Variants in HCFC2 observed in about 807,000 individuals in gnomAD.
The protein encoded by HCFC2 is host cell factor C2, also known as host cell factor 2.
A neutral mutation model predicts 89.2 loss-of-function variants in HCFC2; 18 were observed. The observed-to-expected ratio is 0.20, with a 90% CI of 0.14 to 0.30. HCFC2 has a LOEUF of 0.30. Among genes scored for constraint, HCFC2 ranks in the 10% least tolerant of loss-of-function variants. The pLI is 1.00. For synonymous variants in HCFC2, 308 were observed against 335.7 expected (o/e 0.92, Z 0.90); for missense variants, 578 against 956.1 (o/e 0.60, Z 5.21).
At chr12:104,097,704 G>A (rs1884215936) in intron 12 of HCFC2, 5 of 905,596 alleles carry the variant, frequency 5.5e-6, no homozygotes, top group Non-Finnish European at 6.6e-6. Context: ...TAGTTCCAGG[G>A]ATAAGTATAA....
chr12:104,077,685 T>C (rs1251126242), intron 3 of HCFC2, among the ~76,000 whole-genome samples: 1 of 152,076 alleles, frequency 6.6e-6, no homozygotes, highest in Non-Finnish European at 1.5e-5. Flanking sequence ...TTGAGAATTA[T>C]ATGTGCTAAT....
chr12:104,071,360 A>G (rs561024263), intron 3 of HCFC2, among the ~76,000 whole-genome samples: 1 of 152,320 alleles, frequency 6.6e-6, no homozygotes, highest in African/African-American at 2.4e-5. Flanking sequence ...CAAGCTTCTC[A>G]AGGGTATTCT....
At chr12:104,088,547 G>A (rs1883934099) in intron 9 of HCFC2, among the ~76,000 whole-genome samples, 1 of 152,136 alleles carries the variant, frequency 6.6e-6, no homozygotes, top group Non-Finnish European at 1.5e-5. Context: ...ATCACAGTAG[G>A]TCTTGGTAGA....
chr12:104,088,963 T>TA (rs1178131276), intron 9 of HCFC2, among the ~76,000 whole-genome samples: 3 of 152,288 alleles, frequency 2.0e-5, no homozygotes, highest in African/African-American at 7.2e-5. Flanking sequence ...GCAACTACTT[T>TA]AAACTATCGT....
intron 1 of HCFC2, among the ~76,000 whole-genome samples, chr12:104,065,607 A>AT (rs1028857838): frequency 3.9e-5 from 6 of 152,082 alleles, no homozygotes; most frequent in Non-Finnish European, 8.8e-5. Flanking sequence ...GAGAAGTTTT[A>AT]TTTTTTTCAC....
chr12:104,101,916 T>A (rs1382180108), intron 13 of HCFC2, 52 bp from the exon 14 acceptor site: 1 of 1,149,734 alleles, frequency 8.7e-7, no homozygotes, highest in Non-Finnish European at 1.2e-6. Flanking sequence ...TTTTAAAATT[T>A]TAATATATTA....
chr12:104,096,437 A>T lies in HCFC2; in HGVS notation c.1740+4A>T. 5 of 1,601,496 alleles carry T rather than the reference A, an allele frequency of 3.1e-6. No homozygotes were observed. The highest frequency in any genetic ancestry group is 4.3e-6 in the Non-Finnish European group (5 of 1,170,056). On this transcript the variant is annotated splice_donor_region_variant and intron_variant, in intron 12 of 14. Coordinates refer to ENST00000229330, the MANE Select transcript of HCFC2 (RefSeq NM_013320.3). Reference sequence around the variant, plus strand: ...TGCTACAGCAACGCCGTTTTCTGTAAGTACATGACCTGGTGATGATGCATG... The same window carrying T: ...TGCTACAGCAACGCCGTTTTCTGTATGTACATGACCTGGTGATGATGCATG...
At chr12:104,066,593 T>C (rs189315914) in intron 2 of HCFC2, among the ~76,000 whole-genome samples, 5 of 152,346 alleles carry the variant, frequency 3.3e-5, no homozygotes, top group Admixed American at 3.3e-4. Context: ...CATCAAGATA[T>C]CTGTTACGTA....
chr12:104,069,307 A>G (rs1384158023), intron 3 of HCFC2, among the ~76,000 whole-genome samples: 1 of 152,122 alleles, frequency 6.6e-6, no homozygotes, highest in African/African-American at 2.4e-5. Context: ...CCTTATCTTA[A>G]AAAAACAAAC....
At chr12:104,088,122 C>A in intron 9 of HCFC2, 84 bp downstream of exon 9, 1 of 856,082 alleles carries the variant, frequency 1.2e-6, no homozygotes, top group Non-Finnish European at 1.8e-6. Context: ...TACTACTACT[C>A]TAGAAGAGGG....
chr12:104,096,253 C>A, intron 11 of HCFC2, 107 bp from the exon 12 acceptor site: 1 of 668,858 alleles, frequency 1.5e-6, no homozygotes, highest in East Asian at 2.9e-5. Flanking sequence ...CTGTCTTAGC[C>A]ATTTTTAAGT....
intron 4 of HCFC2, 196 bp from the exon 5 acceptor site, chr12:104,080,550 A>G (rs546121133): frequency 9.9e-6 from 4 of 403,326 alleles, no homozygotes; most frequent in African/African-American, 2.1e-5. Context: ...GGCTAACTGT[A>G]CTAACATTAA....
chr12:104,073,843 G>C (rs1024054278), intron 3 of HCFC2, among the ~76,000 whole-genome samples: 1 of 152,132 alleles, frequency 6.6e-6, no homozygotes, highest in African/African-American at 2.4e-5. Flanking sequence ...TATATCCTGT[G>C]GGCCAAATGT....
chr12:104,084,493 A>G (rs1164191270), intron 7 of HCFC2, among the ~76,000 whole-genome samples: 1 of 152,230 alleles, frequency 6.6e-6, no homozygotes, highest in Non-Finnish European at 1.5e-5. Flanking sequence ...GTGTTTGGCA[A>G]CAGATTTGAG....
At chr12:104,098,618 T>C in intron 13 of HCFC2, 138 bp downstream of exon 13, 1 of 798,260 alleles carries the variant, frequency 1.3e-6, no homozygotes, top group South Asian at 1.9e-5. Flanking sequence ...GTCACTTGAA[T>C]GAGTAAAATT....
chr12:104,091,677 A>G (rs1277298823), intron 9 of HCFC2, among the ~76,000 whole-genome samples: 2 of 152,248 alleles, frequency 1.3e-5, no homozygotes, highest in Non-Finnish European at 2.9e-5. Context: ...AGCAAAAAGC[A>G]CATTCCAGAT....
chr12:104,099,301 C>T (rs2629754), intron 13 of HCFC2, among the ~76,000 whole-genome samples: 25,502 of 152,102 alleles, frequency 0.17, 2,376 homozygotes, highest in East Asian at 0.41. Context: ...CAATCACCTC[C>T]CATCAGGTCC....
Position 104,082,770 on chromosome 12 carries a change from G to A in HCFC2, c.932G>A (p.Arg311Lys). The stretch of plus-strand genomic sequence containing the variant: ...TCTCAGGAAGATAAAAAAAATTCAA[G>A]ACCAAGACCAAGAGCTGGCCACTGT... Reference protein sequence around the residue: ...SDSQEDKKNSRPRPRAGHCAV... With the variant: ...SDSQEDKKNSKPRPRAGHCAV... The change falls in exon 7 of 15, where the codon AGA becomes AAA. Residue 311 changes from arginine to lysine, a missense_variant. Arg to Lys is a conservative substitution (Grantham distance 26). Transcript: ENST00000229330. 1.2e-6 allele frequency: 2 copies of A among 1,613,932 alleles called. No homozygotes were observed. The highest frequency in any genetic ancestry group is 1.7e-6 in the Non-Finnish European group (2 of 1,179,924).
intron 12 of HCFC2, 45 bp downstream of exon 12, chr12:104,096,478 G>A (rs1289655622): frequency 7.4e-7 from 1 of 1,348,696 alleles, no homozygotes; most frequent in East Asian, 2.3e-5. Context: ...ACATGATTAT[G>A]TACTTTTAAA....
Sources: gnomAD v4.1 joint callset for allele counts (sites outside exome capture counted in the v4.1 genomes callset) on GRCh38, gnomAD v4.1.1 for gene constraint, MANE v1.5 for transcripts, NCBI Gene and HGNC (gene_info 2026-07-23, HGNC 2026-07-21) for gene names.